TENM2: variants seen among roughly 807,000 people sequenced by gnomAD.
TENM2 encodes teneurin-2.
TENM2 carries 52 observed loss-of-function variants against 245.2 expected under a neutral mutation model. That is an observed-to-expected ratio of 0.21 (90% CI 0.17 to 0.27). The LOEUF (loss-of-function observed/expected upper bound fraction) is 0.27, where lower values mean the gene tolerates loss of function less well. TENM2 is among the 10% of genes least tolerant of loss of function. The pLI, the probability that TENM2 is intolerant of heterozygous loss-of-function variation, is 1.00. For missense variants in TENM2, 3,046 were observed against 3,666.8 expected, an observed-to-expected ratio of 0.83 and a Z score of 4.37; for synonymous variants, 1,363 against 1,438.9, an observed-to-expected ratio of 0.95 and a Z score of 1.19.
At chr5:167,601,581 A>T (rs1776640176) in intron 2 of TENM2, among the ~76,000 whole-genome samples, 1 of 152,202 alleles carries the variant, frequency 6.6e-6, no homozygotes, top group Admixed American at 6.5e-5. Context: ...GTGTTTTTGG[A>T]TATCTGCTAA....
intron 2 of TENM2, among the ~76,000 whole-genome samples, chr5:167,539,835 T>A (rs1419192308): frequency 2.0e-5 from 3 of 152,166 alleles, no homozygotes; most frequent in African/African-American, 7.2e-5. Flanking sequence ...TGAAATATGA[T>A]AATAATATGG....
At chr5:167,260,762 C>T in the TENM2 span, among the ~76,000 whole-genome samples, 9 of 152,036 alleles carry the variant, frequency 5.9e-5, no homozygotes, top group Admixed American at 1.3e-4. Context: ...TAGAGCAAAA[C>T]GTAAACACAG....
At chr5:167,755,648 G>A (rs1294148380) in intron 2 of TENM2, among the ~76,000 whole-genome samples, 2 of 152,008 alleles carry the variant, frequency 1.3e-5, no homozygotes, top group Non-Finnish European at 2.9e-5. Context: ...TGAAAACGTG[G>A]GATTGGCTTT....
the TENM2 span, among the ~76,000 whole-genome samples, chr5:167,032,713 C>T: frequency 4.6e-5 from 7 of 152,068 alleles, no homozygotes; most frequent in African/African-American, 1.7e-4. Flanking sequence ...TTTTCCTCAC[C>T]CCAAGGCAGC....
intron 3 of TENM2, among the ~76,000 whole-genome samples, chr5:167,941,970 G>A (rs932212958): frequency 6.6e-6 from 1 of 152,206 alleles, no homozygotes; most frequent in African/African-American, 2.4e-5. Flanking sequence ...CACTTTGGGA[G>A]GTCAAGGCAA....
chr5:167,608,953 T>C (rs1777252085), intron 2 of TENM2, among the ~76,000 whole-genome samples: 1 of 151,514 alleles, frequency 6.6e-6, no homozygotes, highest in Non-Finnish European at 1.5e-5. Flanking sequence ...AGTTTTTCAG[T>C]TGAGGAAATC....
intron 2 of TENM2, among the ~76,000 whole-genome samples, chr5:167,425,440 C>T (rs1185434981): frequency 1.3e-5 from 2 of 152,156 alleles, no homozygotes; most frequent in African/African-American, 4.8e-5. Flanking sequence ...TAACAAATAG[C>T]ACTCAGTGAG....
intron 2 of TENM2, chr5:167,754,977 G>T: frequency 6.4e-7 from 1 of 1,554,870 alleles, no homozygotes; most frequent in Non-Finnish European, 8.7e-7. Context: ...AGCTGTGTCA[G>T]ACTGGGACTG....
At chr5:167,093,396 C>G in the TENM2 span, among the ~76,000 whole-genome samples, 1 of 152,104 alleles carries the variant, frequency 6.6e-6, no homozygotes, top group African/African-American at 2.4e-5. Context: ...TGTAAGCAAC[C>G]TAAGCAGAAA....
chr5:167,558,928 T>TA (rs1413664802), intron 2 of TENM2, among the ~76,000 whole-genome samples: 1 of 150,312 alleles, frequency 6.7e-6, no homozygotes, highest in African/African-American at 2.4e-5. Flanking sequence ...CAGTCAGCAG[T>TA]AAAAATCATC....
chr5:168,138,416 A>G (rs1299751654), intron 12 of TENM2, among the ~76,000 whole-genome samples: 2 of 152,376 alleles, frequency 1.3e-5, no homozygotes, highest in Admixed American at 6.5e-5. Flanking sequence ...GTAGTTTCCC[A>G]AATGTGTCTT....
chr5:167,493,550 A>T (rs1582198146), intron 2 of TENM2, among the ~76,000 whole-genome samples: 2 of 152,276 alleles, frequency 1.3e-5, no homozygotes, highest in East Asian at 3.9e-4. Context: ...TAGCCCCATT[A>T]TTGGCATCAA....
chr5:167,080,898 C>T, the TENM2 span, among the ~76,000 whole-genome samples: 16 of 151,930 alleles, frequency 1.1e-4, no homozygotes, highest in Non-Finnish European at 7.4e-5. Flanking sequence ...GCAAAAAGGA[C>T]ATACCAGAAA....
chr5:167,506,937 TGAAA>T (rs1329862029), intron 2 of TENM2, among the ~76,000 whole-genome samples: 1 of 152,196 alleles, frequency 6.6e-6, no homozygotes, highest in Non-Finnish European at 1.5e-5. Flanking sequence ...AATTTGTTTG[TGAAA>T]GTTCCATCTT....
At chr5:167,635,183 G>C (rs1304144788) in intron 2 of TENM2, among the ~76,000 whole-genome samples, 1 of 152,106 alleles carries the variant, frequency 6.6e-6, no homozygotes, top group African/African-American at 2.4e-5. Flanking sequence ...TATATACAGA[G>C]ATATATAATT....
At chr5:167,911,370 C>CA (rs35548468) in intron 3 of TENM2, among the ~76,000 whole-genome samples, 5,056 of 151,608 alleles carry the variant, frequency 0.033, 90 homozygotes, top group East Asian at 0.075. Context: ...ACTAAAAATA[C>CA]AAAAAAAATA....
chr5:167,509,230 G>A lies in TENM2; in HGVS notation c.502+133757G>A, dbSNP rs559928363. Among the ~76,000 whole-genome samples the A allele has an allele frequency of 5.3e-5, 8 of 152,300 alleles. No homozygotes were observed. The South Asian group carries it at 1.5e-3, about 28-fold the overall frequency. On this transcript the variant is annotated intron_variant, in intron 2 of 28. Transcript: ENST00000518659. The stretch of plus-strand genomic sequence containing the variant: ...TATCCATAACTGTCAGATTGTGTAA[G>A]CTCCATTGACTGTAGACTAATTGTC...
Position 167,933,531 on chromosome 5 carries a change from CA to C in TENM2, c.713-19054del, listed in dbSNP as rs544390044. Among the ~76,000 whole-genome samples, 306 of 152,222 alleles carry C rather than the reference CA, an allele frequency of 2.0e-3. 1 individual carries two copies. The highest frequency in any genetic ancestry group is 4.0e-3 in the Non-Finnish European group (269 of 68,024). On this transcript the variant is annotated intron_variant, in intron 3 of 28. Coordinates refer to ENST00000518659, the Ensembl canonical transcript of TENM2. ...ATTATGCTCTCTTTAAAAATGCAGC[CA>C]AATTTAGCTTCCAATTTGGAATTAT... is the stretch of plus-strand genomic sequence containing the variant.
intron 7 of TENM2, among the ~76,000 whole-genome samples, chr5:168,064,653 T>C (rs940061183): frequency 6.6e-6 from 1 of 152,226 alleles, no homozygotes; most frequent in Non-Finnish European, 1.5e-5. Flanking sequence ...GTTCTAGTGA[T>C]TGTCCTCTCA....
Sources: gnomAD v4.1 joint callset for allele counts (sites outside exome capture counted in the v4.1 genomes callset) on GRCh38, gnomAD v4.1.1 for gene constraint, MANE v1.5 for transcripts, NCBI Gene and HGNC (gene_info 2026-07-23, HGNC 2026-07-21) for gene names.